ARSG: variants seen among roughly 807,000 people sequenced by gnomAD.
ARSG encodes the protein ASG.
ARSG carries 37 observed loss-of-function variants against 50.5 expected under a neutral mutation model. That is an observed-to-expected ratio of 0.73 (90% confidence interval 0.56 to 0.96). ARSG has a LOEUF of 0.96. Among genes scored for constraint, ARSG ranks in the 50% least tolerant of loss-of-function variants. The pLI, the probability that ARSG is intolerant of heterozygous loss-of-function variation, is 0.00. For synonymous variants in ARSG, 225 were observed against 254.6 expected (o/e 0.88, Z 1.11); for missense variants, 629 against 675.3 (o/e 0.93, Z 0.76).
At chr17:68,442,399 A>C in the ARSG span, among the ~76,000 whole-genome samples, 1 of 150,632 alleles carries the variant, frequency 6.6e-6, no homozygotes, top group Non-Finnish European at 1.5e-5. Flanking sequence ...CGGGAGGCGA[A>C]GGTTGCAGTG....
At chr17:68,397,103 T>C (rs931440666) in intron 10 of ARSG, among the ~76,000 whole-genome samples, 5 of 152,204 alleles carry the variant, frequency 3.3e-5, no homozygotes, top group Non-Finnish European at 7.3e-5. Flanking sequence ...ACTTCCTTTC[T>C]CAGACGGGAG....
rs7216409 is a variant in ARSG at position 68,317,352 on chromosome 17, C to T, written c.218+9641C>T. On this transcript the variant is annotated intron_variant, in intron 2 of 11. Coordinates refer to ENST00000621439, the MANE Select transcript of ARSG (RefSeq NM_001267727.2). ...TGGGAGAAACTGAGGCCGAGAGAGACGAAGTGTTTTTACTGTTATAATCAG... is the reference window on the plus strand; with the variant it reads ...TGGGAGAAACTGAGGCCGAGAGAGATGAAGTGTTTTTACTGTTATAATCAG... Among the ~76,000 whole-genome samples the T allele has an allele frequency of 5.8e-3, 884 of 152,094 alleles. 13 individuals are homozygous for T. Among genetic ancestry groups the T allele is most frequent in the African/African-American group, 0.02 (818 of 41,472 alleles).
At chr17:68,285,915 A>G (rs1187499262) in intron 1 of ARSG, among the ~76,000 whole-genome samples, 3 of 152,062 alleles carry the variant, frequency 2.0e-5, no homozygotes, top group African/African-American at 7.2e-5. Flanking sequence ...GCCCGCCACC[A>G]TGCCCAGCTA....
At chr17:68,311,287 T>A (rs1433198776) in intron 2 of ARSG, among the ~76,000 whole-genome samples, 1 of 152,196 alleles carries the variant, frequency 6.6e-6, no homozygotes, top group Non-Finnish European at 1.5e-5. Context: ...CCACTTCCTC[T>A]GTTTAATTAG....
At chr17:68,291,868 G>A (rs548600626) in intron 1 of ARSG, among the ~76,000 whole-genome samples, 2 of 151,986 alleles carry the variant, frequency 1.3e-5, no homozygotes, top group South Asian at 4.1e-4. Flanking sequence ...GGATTTAGCG[G>A]CGAGGGGGAA....
At chr17:68,429,212 T>C in the ARSG span, among the ~76,000 whole-genome samples, 1 of 152,192 alleles carries the variant, frequency 6.6e-6, no homozygotes, top group African/African-American at 2.4e-5. Context: ...AGTGAACACA[T>C]TAGCTCCCTA....
intron 2 of ARSG, among the ~76,000 whole-genome samples, chr17:68,308,489 A>C (rs2076697548): frequency 6.6e-6 from 1 of 152,188 alleles, no homozygotes; most frequent in Non-Finnish European, 1.5e-5. Context: ...CGCTGGCTTC[A>C]GGAGTGAAGC....
Position 68,331,177 on chromosome 17 carries a change from G to GTTTC in ARSG, c.219-12375_219-12372dup, listed in dbSNP as rs71142163. On this transcript the variant is annotated intron_variant, in intron 2 of 11. Transcript: ENST00000621439. ...TTTTTTGTATTTTAGCAAAGACAGG[G>GTTTC]TTTCTTTCTTTCTTTCTTTCTTTCT... 6.1e-3 allele frequency among the ~76,000 whole-genome samples: 730 copies of GTTTC among 118,972 alleles called. 8 individuals are homozygous for GTTTC. The highest frequency in any genetic ancestry group is 0.013 in the East Asian group (49 of 3,738). 78.1% of individuals were successfully genotyped at this position (118,972 alleles called of 152,430 possible).
downstream of ARSG, chr17:68,426,242 T>TGGCG (rs1555798451): frequency 3.8e-5 from 26 of 682,798 alleles, 1 homozygote; most frequent in Middle Eastern, 4.9e-4. Flanking sequence ...ACCTGGCGGG[T>TGGCG]GGGGAGCGGG....
chr17:68,436,528 T>C, the ARSG span: 6 of 1,569,432 alleles, frequency 3.8e-6, no homozygotes, highest in Non-Finnish European at 5.3e-6. Flanking sequence ...AAGGGAGAGA[T>C]TGCACGGCTG....
intron 9 of ARSG, among the ~76,000 whole-genome samples, chr17:68,390,825 C>A (rs1169558263): frequency 6.6e-6 from 1 of 151,568 alleles, no homozygotes; most frequent in African/African-American, 2.4e-5. Context: ...CAGGGATTCA[C>A]CATGTTGGCC....
At chr17:68,328,168 C>T (rs1268171213) in intron 2 of ARSG, among the ~76,000 whole-genome samples, 1 of 152,162 alleles carries the variant, frequency 6.6e-6, no homozygotes, top group African/African-American at 2.4e-5. Context: ...GTTCCATCCA[C>T]TCACATCCCG....
In ARSG at chr17:68,359,147, T is replaced by A. The variant is rs149233420; in HGVS notation, c.704+2343T>A. Among the ~76,000 whole-genome samples the A allele has an allele frequency of 5.6e-3, 855 of 152,008 alleles. 9 individuals carry two copies. The highest frequency in any genetic ancestry group is 0.02 in the African/African-American group (811 of 41,476). On this transcript the variant is annotated intron_variant, in intron 6 of 11. Transcript: ENST00000621439. The stretch of plus-strand genomic sequence containing the variant: ...CACTGCACTCCAGCCTGGGCGACAG[T>A]GTGAGACTCCATCTCAAAACGACAA...
chr17:68,309,356 C>T (rs2076751775), intron 2 of ARSG, among the ~76,000 whole-genome samples: 1 of 152,210 alleles, frequency 6.6e-6, no homozygotes, highest in Non-Finnish European at 1.5e-5. Flanking sequence ...AAAGGGGATC[C>T]TACAGTGCAG....
chr17:68,396,024 T>C (rs1442766685), intron 10 of ARSG, among the ~76,000 whole-genome samples: 1 of 151,312 alleles, frequency 6.6e-6, no homozygotes, highest in African/African-American at 2.4e-5. Flanking sequence ...TGTTTTTTTT[T>C]TTGAGATGGA....
intron 5 of ARSG, among the ~76,000 whole-genome samples, chr17:68,354,290 C>G (rs907150062): frequency 5.3e-5 from 8 of 150,264 alleles, no homozygotes; most frequent in African/African-American, 1.5e-4. Flanking sequence ...GTGTGGTGGC[C>G]CATGCCTGTA....
At chr17:68,380,448 AG>A (rs2080378471) in intron 8 of ARSG, among the ~76,000 whole-genome samples, 1 of 152,040 alleles carries the variant, frequency 6.6e-6, no homozygotes, top group South Asian at 2.1e-4. Context: ...TTATTTATTT[AG>A]TAGAGACACG....
At chr17:68,294,592 G>A (rs973246589) in intron 1 of ARSG, among the ~76,000 whole-genome samples, 20 of 152,124 alleles carry the variant, frequency 1.3e-4, no homozygotes, top group African/African-American at 4.6e-4. Flanking sequence ...GCTTCCATGG[G>A]AGGCTTCGAT....
At chr17:68,392,423 G>C (rs2081037310) in intron 9 of ARSG, among the ~76,000 whole-genome samples, 1 of 152,170 alleles carries the variant, frequency 6.6e-6, no homozygotes, top group African/African-American at 2.4e-5. Flanking sequence ...TTGGGTGATG[G>C]ACTAAGTGTG....
Sources: allele counts gnomAD v4.1 joint callset (sites outside exome capture counted in the v4.1 genomes callset), GRCh38; gene constraint gnomAD v4.1.1; transcripts MANE v1.5; gene names NCBI Gene and HGNC (gene_info 2026-07-23, HGNC 2026-07-21).